The following TJAP1 variants were observed in gnomAD, a reference collection of about 807,000 sequenced individuals.
TJAP1 encodes tight junction associated protein 1.
A neutral mutation model predicts 42.0 loss-of-function variants in TJAP1; 27 were observed. The ratio of observed to expected loss-of-function variants is 0.64; its 90% CI spans 0.47 to 0.89. The LOEUF is 0.89. Among genes scored for constraint, TJAP1 ranks in the 40% least tolerant of loss-of-function variants. TJAP1 has a pLI of 0.00. For missense variants in TJAP1, 712 were observed against 726.9 expected (o/e 0.98, Z 0.24); for synonymous variants, 257 against 288.4 (o/e 0.89, Z 1.10).
chr6:43,503,861 C>T (rs1322068088), intron 10 of TJAP1, 155 bp downstream of exon 10: 1 of 743,182 alleles, frequency 1.3e-6, no homozygotes, highest in African/African-American at 1.7e-5. Flanking sequence ...AACTCTGCCA[C>T]TGGTTGGTGT....
At chr6:43,500,045 TCTGCCAGAGG>T (rs1434510639) in intron 4 of TJAP1, among the ~76,000 whole-genome samples, 1 of 152,242 alleles carries the variant, frequency 6.6e-6, no homozygotes, top group Non-Finnish European at 1.5e-5. Context: ...ACCTCCATTT[TCTGCCAGAGG>T]CTGCTCTTCT....
chr6:43,479,287 A>G (rs530937867), intron 2 of TJAP1, among the ~76,000 whole-genome samples: 9 of 152,282 alleles, frequency 5.9e-5, no homozygotes, highest in Non-Finnish European at 1.2e-4. Context: ...TGTCCCCCCA[A>G]TCAAAGGCTT....
rs769190518 is a variant in TJAP1, at chr6:43,503,514, T to C, written c.495+6T>C. 16 of 1,612,540 alleles carry C rather than the reference T, an allele frequency of 9.9e-6. No individual in the cohort carries two copies. The highest frequency in any genetic ancestry group is 8.5e-7 in the Non-Finnish European group (1 of 1,178,672). On this transcript the variant is annotated splice_donor_region_variant and intron_variant, in intron 9 of 10. Transcript: ENST00000372449. Reference sequence around the variant, plus strand: ...ACAAGCTGGAAGAGCTCAATGTATGTGCGCTTCACTACTCGGGCCTTCCTC... The same window carrying C: ...ACAAGCTGGAAGAGCTCAATGTATGCGCGCTTCACTACTCGGGCCTTCCTC...
In TJAP1 at chr6:43,502,212, C is replaced by G; in HGVS notation, c.291-71C>G. 2.0e-6 allele frequency: 3 copies of G among 1,479,436 alleles called. No homozygotes were observed. The South Asian group carries it at 3.5e-5, about 17-fold the overall frequency. 91.6% of individuals were successfully genotyped at this position (1,479,436 alleles called of 1,614,324 possible). On this transcript the variant is annotated intron_variant, in intron 6 of 10. Transcript: ENST00000372449. The stretch of plus-strand genomic sequence containing the variant: ...GAATGACATGTTCAAGATCCCCTAT[C>G]GGGGAGGCTGAACAGAGCCTGAAGA...
chr6:43,491,208 GGAT>G lies in TJAP1; in HGVS notation c.-121-6666_-121-6664del, dbSNP rs1000688047. ...GCGAGGAGGATAGCACTCCTGAGCG[GGAT>G]GATGATTTCTCGGAGGTTGATAGAT... is the stretch of plus-strand genomic sequence containing the variant. On this transcript the variant is annotated intron_variant, in intron 2 of 10. Coordinates refer to ENST00000372449, the Ensembl canonical transcript of TJAP1. This position sits in a 1 kb window ranked among gnomAD's most constrained non-coding sequence, Gnocchi z 4.6. Among the ~76,000 whole-genome samples the G allele has an allele frequency of 7.2e-5, 11 of 152,270 alleles. No homozygotes were observed. Among genetic ancestry groups the G allele is most frequent in the Non-Finnish European group, 1.5e-5 (1 of 68,014 alleles).
chr6:43,496,953 G>A (rs1231804491), intron 2 of TJAP1: 1 of 152,302 alleles, frequency 6.6e-6, no homozygotes, highest in African/African-American at 2.4e-5. Context: ...AGCCACCTCT[G>A]TGTAGATAAG....
intron 2 of TJAP1, among the ~76,000 whole-genome samples, chr6:43,494,711 G>A (rs548893027): frequency 6.1e-5 from 9 of 147,614 alleles, no homozygotes; most frequent in Admixed American, 2.0e-4. Context: ...GTAGTGGCGC[G>A]ATCTGGACTC....
intron 2 of TJAP1, among the ~76,000 whole-genome samples, chr6:43,490,136 G>A (rs968171097): frequency 2.6e-5 from 4 of 152,140 alleles, no homozygotes; most frequent in African/African-American, 4.8e-5. Context: ...CTTATATCAC[G>A]CCATCTCCTC....
chr6:43,497,753 T>C (rs1789539971), intron 2 of TJAP1, 128 bp from the exon 3 acceptor site: 1 of 152,290 alleles, frequency 6.6e-6, no homozygotes, highest in African/African-American at 2.4e-5. Flanking sequence ...GGCCCTCTGT[T>C]TCATGGCCTT....
chr6:43,487,111 C>G (rs1786709711), intron 2 of TJAP1, among the ~76,000 whole-genome samples: 1 of 152,098 alleles, frequency 6.6e-6, no homozygotes, highest in South Asian at 2.1e-4. Flanking sequence ...AGGGTGGGAC[C>G]TCTTCTTTGT....
Position 43,505,585 on chromosome 6 carries a change from G to A in TJAP1, c.1404G>A (p.Glu468=). The stretch of plus-strand genomic sequence containing the variant: ...CTTCTGCCCGACCCGAAGAGAGTGA[G>A]CTTTTGCTACCCACAGAACCTGACT... The change falls in exon 11 of 11, where the codon GAG becomes GAA. Residue 468 remains glutamate, a synonymous_variant. Transcript: ENST00000372449. This position sits in a 1 kb window ranked among gnomAD's most constrained non-coding sequence, Gnocchi z 5.5. The A allele has an allele frequency of 6.2e-7, 1 of 1,613,676 alleles. No homozygotes were observed. Among genetic ancestry groups the A allele is most frequent in the Non-Finnish European group, 8.5e-7 (1 of 1,180,042 alleles).
chr6:43,502,999 C>T (rs1317609470), intron 8 of TJAP1: 7 of 454,272 alleles, frequency 1.5e-5, no homozygotes, highest in East Asian at 1.3e-4. Context: ...TGGCTGCCAC[C>T]GCGCCCTGCT....
chr6:43,503,740 G>A (rs775307046), intron 10 of TJAP1, 34 bp downstream of exon 10: 1 of 1,588,688 alleles, frequency 6.3e-7, no homozygotes, highest in South Asian at 1.1e-5. Flanking sequence ...TGCCCACATA[G>A]ACCATTCCGG....
rs1465629688 is a variant in TJAP1, at chr6:43,492,916, C to T, written c.-121-4965C>T. ...CTTGCAGACTTCAGAGACTCCACAT[C>T]CAGCACTTACAGCTCAGGACAGTTC... On this transcript the variant is annotated intron_variant, in intron 2 of 10. Coordinates refer to ENST00000372449, the Ensembl canonical transcript of TJAP1. The surrounding 1 kb of genome is among the most constrained non-coding windows in gnomAD (Gnocchi z 4.2). Among the ~76,000 whole-genome samples, 1 of 152,178 alleles carries T rather than the reference C, an allele frequency of 6.6e-6. No homozygotes were observed. Among genetic ancestry groups the T allele is most frequent in the African/African-American group, 2.4e-5 (1 of 41,438 alleles).
At chr6:43,494,901 A>C (rs977147378) in intron 2 of TJAP1, among the ~76,000 whole-genome samples, 3 of 152,172 alleles carry the variant, frequency 2.0e-5, no homozygotes, top group Non-Finnish European at 4.4e-5. Flanking sequence ...ATCTTCCTCC[A>C]GAAGACCATT....
chr6:43,483,899 CA>C (rs1785856736), intron 2 of TJAP1, among the ~76,000 whole-genome samples: 1 of 151,916 alleles, frequency 6.6e-6, no homozygotes, highest in Admixed American at 6.6e-5. Context: ...TTTGTCTCTA[CA>C]AAAGACATTC....
chr6:43,504,648 A>G (rs2127659281), intron 10 of TJAP1, 113 bp from the exon 11 acceptor site: 1 of 1,323,728 alleles, frequency 7.6e-7, no homozygotes, highest in Non-Finnish European at 1.0e-6. Flanking sequence ...AGGAGATAGC[A>G]GAGTGCTGAG....
rs70990192 is a variant in TJAP1, at chr6:43,501,707, GACACACACACAC to G, written c.290+61_290+72del. 8,063 of 569,830 alleles carry G rather than the reference GACACACACACAC, an allele frequency of 0.014. 4 individuals carry two copies. Among genetic ancestry groups the G allele is most frequent in the Middle Eastern group, 0.019 (42 of 2,228 alleles). 35.3% of individuals were successfully genotyped at this position (569,830 alleles called of 1,614,324 possible). On this transcript the variant is annotated intron_variant, in intron 6 of 10. Coordinates refer to ENST00000372449, the Ensembl canonical transcript of TJAP1. ...CCGCAGGTGTGGGAATGAGGGGCCA[GACACACACACAC>G]ACACACACACACACACACACACACA...
rs1302455286 is a variant in TJAP1, at chr6:43,505,549, G to A, written c.1368G>A (p.Val456=). 6.2e-7 allele frequency: 1 copy of A among 1,613,884 alleles called. No homozygotes were observed. The highest frequency in any genetic ancestry group is 8.5e-7 in the Non-Finnish European group (1 of 1,180,038). The change falls in exon 11 of 11, where the codon GTG becomes GTA. Residue 456 remains valine, a synonymous_variant. Coordinates refer to ENST00000372449, the Ensembl canonical transcript of TJAP1. This position sits in a 1 kb window ranked among gnomAD's most constrained non-coding sequence, Gnocchi z 5.5. ...ATAGCCCCGCTGACAGAGATGAGGT[G>A]GTCCAGGCACCTTCTGCCCGACCCG...
Sources: allele counts gnomAD v4.1 joint callset (sites outside exome capture counted in the v4.1 genomes callset), GRCh38; gene constraint gnomAD v4.1.1; non-coding constraint Gnocchi (gnomAD v3.1); transcripts MANE v1.5; gene names NCBI Gene and HGNC (gene_info 2026-07-23, HGNC 2026-07-21).